CCDC91: variants seen among roughly 807,000 people sequenced by gnomAD.
CCDC91 encodes the protein coiled-coil domain containing 91.
Under a neutral mutation model 63.2 loss-of-function variants are expected in CCDC91, and 48 were observed. That is an observed-to-expected ratio of 0.76 (90% CI 0.60 to 0.97). The LOEUF is 0.97. Ranked by LOEUF, CCDC91 falls within the 50% of genes least tolerant of loss-of-function variation. The pLI is 0.00. For synonymous variants in CCDC91, 167 were observed against 165.8 expected, an observed-to-expected ratio of 1.01 and a Z score of -0.06; for missense variants, 500 against 494.6, an observed-to-expected ratio of 1.01 and a Z score of -0.10.
intron 3 of CCDC91, among the ~76,000 whole-genome samples, chr12:28,271,823 G>T (rs1456057924): frequency 1.3e-5 from 2 of 150,494 alleles, no homozygotes; most frequent in Admixed American, 6.6e-5. Context: ...ATGCTATTGT[G>T]TAGCATTTTA....
intron 1 of CCDC91, among the ~76,000 whole-genome samples, chr12:28,208,276 CAA>C: frequency 6.6e-6 from 1 of 151,954 alleles, no homozygotes; most frequent in African/African-American, 2.4e-5. Flanking sequence ...ACACAATTGA[CAA>C]AGAAATTTGG....
At chr12:28,227,450 C>T (rs1944342356) in intron 1 of CCDC91, among the ~76,000 whole-genome samples, 1 of 151,864 alleles carries the variant, frequency 6.6e-6, no homozygotes. Flanking sequence ...TTTTTTTGAA[C>T]TCTTTCTCTT....
At chr12:28,395,537 C>G (rs1351209285) in intron 8 of CCDC91, among the ~76,000 whole-genome samples, 5 of 152,092 alleles carry the variant, frequency 3.3e-5, no homozygotes, top group Admixed American at 2.6e-4. Flanking sequence ...AAACATTTTA[C>G]TTACGTTTCT....
chr12:28,521,637 C>T (rs1051577559), intron 12 of CCDC91, among the ~76,000 whole-genome samples: 4 of 152,168 alleles, frequency 2.6e-5, no homozygotes, highest in African/African-American at 9.7e-5. Flanking sequence ...GAGGGGACAT[C>T]CCTGTCTTGT....
chr12:28,240,434 G>T (rs1198250501), intron 1 of CCDC91, among the ~76,000 whole-genome samples: 1 of 151,996 alleles, frequency 6.6e-6, no homozygotes, highest in African/African-American at 2.4e-5. Flanking sequence ...TCTGAAATGG[G>T]AACACCTATT....
At chr12:28,237,069 G>A (rs1944997638) in intron 1 of CCDC91, among the ~76,000 whole-genome samples, 1 of 151,904 alleles carries the variant, frequency 6.6e-6, no homozygotes, top group Admixed American at 6.6e-5. Flanking sequence ...TAATGAAAAT[G>A]GAAAATAGAT....
intron 12 of CCDC91, among the ~76,000 whole-genome samples, chr12:28,512,232 AAAGTTT>A (rs1242156829): frequency 6.6e-6 from 1 of 151,844 alleles, no homozygotes; most frequent in Non-Finnish European, 1.5e-5. Flanking sequence ...GCCAAGCACC[AAAGTTT>A]AAGCTTCTCC....
intron 8 of CCDC91, among the ~76,000 whole-genome samples, chr12:28,402,333 C>T (rs1946672888): frequency 1.3e-5 from 2 of 151,998 alleles, no homozygotes; most frequent in South Asian, 4.1e-4. Context: ...TAGTTTTCCT[C>T]TTATAGATCT....
intron 12 of CCDC91, among the ~76,000 whole-genome samples, chr12:28,504,895 T>C (rs1181570090): frequency 6.6e-6 from 1 of 151,990 alleles, no homozygotes; most frequent in Non-Finnish European, 1.5e-5. Context: ...TTTGGAGTTG[T>C]CATTTCAGTT....
At chr12:28,202,149 A>G (rs1383778600) in intron 1 of CCDC91, among the ~76,000 whole-genome samples, 1 of 152,004 alleles carries the variant, frequency 6.6e-6, no homozygotes, top group Non-Finnish European at 1.5e-5. Context: ...CTATTTGGTG[A>G]GATATTGTTA....
intron 3 of CCDC91, among the ~76,000 whole-genome samples, chr12:28,304,375 T>TAAAAAAAAAAAAAAAAAAAAAAAAAAA (rs777296414): frequency 1.1e-4 from 8 of 73,580 alleles, no homozygotes; most frequent in African/African-American, 4.1e-4. Context: ...AGACTCCGTC[T>TAAAAAAAAAAAAAAAAAAAAAAAAAAA]AAAAAAAAAA....
chr12:28,449,378 T>C (rs1949688142), intron 8 of CCDC91, among the ~76,000 whole-genome samples: 1 of 152,060 alleles, frequency 6.6e-6, no homozygotes, highest in African/African-American at 2.4e-5. Context: ...ATGAAAAATA[T>C]ATGAGTAGCA....
intron 8 of CCDC91, among the ~76,000 whole-genome samples, chr12:28,425,946 A>G (rs1446519491): frequency 6.6e-6 from 1 of 152,196 alleles, no homozygotes; most frequent in African/African-American, 2.4e-5. Flanking sequence ...CACAATGTTC[A>G]TCCTGTTTCT....
intron 8 of CCDC91, among the ~76,000 whole-genome samples, chr12:28,400,479 G>A (rs1180396757): frequency 6.6e-6 from 1 of 152,022 alleles, no homozygotes; most frequent in Non-Finnish European, 1.5e-5. Flanking sequence ...GTCTTGGCAA[G>A]TAACATTTGG....
At position 28,206,466 on chromosome 12, in the gene CCDC91, C is replaced by A. The variant is rs1013223528; in HGVS notation, c.-15+15825C>A. ...AACATTTAAAACCTTTGAGAGAATA[C>A]AGTGCACTAGGGAGACTATTATTAT... is the stretch of plus-strand genomic sequence containing the variant. On this transcript the variant is annotated intron_variant, in intron 1 of 12. Coordinates refer to ENST00000536442, the MANE Select transcript of CCDC91 (RefSeq NM_018318.5). Among the ~76,000 whole-genome samples the A allele has an allele frequency of 3.3e-5, 5 of 152,242 alleles. No individual in the cohort carries two copies. In the South Asian group the frequency reaches 1.0e-3, roughly 32 times the overall value.
chr12:28,306,149 G>A (rs529891144), intron 4 of CCDC91, among the ~76,000 whole-genome samples: 9 of 152,004 alleles, frequency 5.9e-5, no homozygotes, highest in South Asian at 2.1e-4. Flanking sequence ...GAATCTTACC[G>A]CACATTTTCA....
rs183056381 is a variant in CCDC91 at position 28,484,064 on chromosome 12, G to A, written c.1114G>A (p.Ala372Thr). 351 of 1,609,616 alleles carry A rather than the reference G, an allele frequency of 2.2e-4. 3 individuals are homozygous for A. Among genetic ancestry groups the A allele is most frequent in the South Asian group, 1.9e-3 (169 of 90,342 alleles). Reference sequence around the variant, plus strand: ...CTCCCACAAACAGGAAACTGTTAAGGCAGCAATAATAGAAGAGCAGAAACG... The same window carrying A: ...CTCCCACAAACAGGAAACTGTTAAGACAGCAATAATAGAAGAGCAGAAACG... ...QRKISQETVK[A>T]AIIEEQKRSE... The change falls in exon 12 of 13, where the codon GCA (alanine) becomes ACA (threonine). Residue 372 changes from alanine to threonine, a missense_variant. By Grantham distance (58) the Ala-to-Thr change is moderately conservative. Transcript: ENST00000536442.
chr12:28,206,541 G>T (rs1308134716), intron 1 of CCDC91, among the ~76,000 whole-genome samples: 1 of 152,060 alleles, frequency 6.6e-6, no homozygotes, highest in African/African-American at 2.4e-5. Flanking sequence ...CTTACCTAGG[G>T]TCCCCATAAA....
chr12:28,326,482 G>A (rs1230863462), intron 6 of CCDC91, among the ~76,000 whole-genome samples: 1 of 149,784 alleles, frequency 6.7e-6, no homozygotes, highest in Non-Finnish European at 1.5e-5. Flanking sequence ...CATGTGCCAT[G>A]CTGGTGCGCT....
Sources: gnomAD v4.1 joint callset for allele counts (sites outside exome capture counted in the v4.1 genomes callset) on GRCh38, gnomAD v4.1.1 for gene constraint, MANE v1.5 for transcripts, NCBI Gene and HGNC (gene_info 2026-07-23, HGNC 2026-07-21) for gene names.